The following PCDHGB3 variants were observed in gnomAD, a reference collection of about 807,000 sequenced individuals.
The protein encoded by PCDHGB3 is protocadherin gamma subfamily B, 3, also known as protocadherin gamma-B3.
PCDHGB3 carries 40 observed loss-of-function variants against 59.2 expected under a neutral mutation model. The observed-to-expected ratio is 0.68, with a 90% CI of 0.52 to 0.88. The LOEUF (loss-of-function observed/expected upper bound fraction) is 0.88, where lower values mean the gene tolerates loss of function less well. PCDHGB3 is among the 40% of genes least tolerant of loss of function. The probability of loss-of-function intolerance (pLI) is 0.00; values close to 1 mark genes in which losing one functional copy is unlikely to be tolerated. For missense variants in PCDHGB3, 1,309 were observed against 1,187.9 expected (o/e 1.10, Z -1.50); for synonymous variants, 581 against 503.6 (o/e 1.15, Z -2.06).
chr5:141,409,912 C>T (rs775668669), intron 1 of PCDHGB3: 5 of 1,613,180 alleles, frequency 3.1e-6, no homozygotes, highest in Non-Finnish European at 2.5e-6. Context: ...TGGGTCCTGA[C>T]GGCTCCGCGT....
rs376996144 is a variant in PCDHGB3, at chr5:141,491,534, G to C, written c.2416-3273G>C. 3.7e-6 allele frequency: 6 copies of C among 1,613,912 alleles called. No homozygotes were observed. The highest frequency in any genetic ancestry group is 1.3e-5 in the African/African-American group (1 of 74,928). ...CTCAAGTACATGGAGGTGACGCTGC[G>C]GCCCACAGACTCGCAGAGCCACTGC... On this transcript the variant is annotated intron_variant, in intron 1 of 3. Coordinates refer to ENST00000576222, the MANE Select transcript of PCDHGB3 (RefSeq NM_018924.5). This position sits in a 1 kb window ranked among gnomAD's most constrained non-coding sequence, Gnocchi z 6.9.
In PCDHGB3 at chr5:141,489,597, A is replaced by G; in HGVS notation, c.2416-5210A>G. 6.2e-7 allele frequency: 1 copy of G among 1,614,100 alleles called. No individual in the cohort carries two copies. The highest frequency in any genetic ancestry group is 1.3e-5 in the African/African-American group (1 of 75,040). ...AACACCCCCTGGAGCTAATCCGTGTAGAGGTAGAGATCCTGGATCTCAATG... is the reference window on the plus strand; with the variant it reads ...AACACCCCCTGGAGCTAATCCGTGTGGAGGTAGAGATCCTGGATCTCAATG... On this transcript the variant is annotated intron_variant, in intron 1 of 3. Transcript: ENST00000576222. The surrounding 1 kb of genome is among the most constrained non-coding windows in gnomAD (Gnocchi z 4.5).
chr5:141,464,898 C>T (rs969877255), intron 1 of PCDHGB3, among the ~76,000 whole-genome samples: 4 of 151,958 alleles, frequency 2.6e-5, no homozygotes, highest in African/African-American at 4.8e-5. Flanking sequence ...GCCACCATGT[C>T]CAGCTAATTT....
At chr5:141,498,318 G>T (rs927950671) in intron 2 of PCDHGB3, among the ~76,000 whole-genome samples, 2 of 151,792 alleles carry the variant, frequency 1.3e-5, no homozygotes, top group African/African-American at 4.8e-5. Flanking sequence ...TGCCTACACA[G>T]AAGGAAGAGC....
chr5:141,417,965 T>C lies in PCDHGB3; in HGVS notation c.2415+45156T>C. On this transcript the variant is annotated intron_variant, in intron 1 of 3. Coordinates refer to ENST00000576222, the MANE Select transcript of PCDHGB3 (RefSeq NM_018924.5). ...CACGCTGTGTGAGCCGATCCGCTAC[T>C]CGATTCCGGAGGAGCTGGCCAAGGG... 3 of 1,613,654 alleles carry C rather than the reference T, an allele frequency of 1.9e-6. No homozygotes were observed. In the South Asian group the frequency reaches 3.3e-5, roughly 18 times the overall value.
At chr5:141,427,912 A>G in intron 1 of PCDHGB3, 1 of 1,577,806 alleles carries the variant, frequency 6.3e-7, no homozygotes, top group East Asian at 2.2e-5. Flanking sequence ...CTCAGCGCCA[A>G]CATGAGCCGG....
rs372676262 is a variant in PCDHGB3 at position 141,404,832 on chromosome 5, G to A, written c.2415+32023G>A. On this transcript the variant is annotated intron_variant, in intron 1 of 3. Coordinates refer to ENST00000576222, the MANE Select transcript of PCDHGB3 (RefSeq NM_018924.5). ...GTGGGGCTGCACACAGGTGAAGTGCGCACAGCTCGGGCCCTGCTAGATAGA... is the reference window on the plus strand; with the variant it reads ...GTGGGGCTGCACACAGGTGAAGTGCACACAGCTCGGGCCCTGCTAGATAGA... 34 of 1,613,864 alleles carry A rather than the reference G, an allele frequency of 2.1e-5. No individual in the cohort carries two copies. Among genetic ancestry groups the A allele is most frequent in the Middle Eastern group, 1.6e-4 (1 of 6,062 alleles).
chr5:141,477,245 A>G lies in PCDHGB3; in HGVS notation c.2416-17562A>G. On this transcript the variant is annotated intron_variant, in intron 1 of 3. Transcript: ENST00000576222. The surrounding 1 kb of genome is among the most constrained non-coding windows in gnomAD (Gnocchi z 4.9). ...GACTGTCATCGCTTTGCTCAGTGTG[A>G]CTGACCTGGATGCTGGCGAGAACGG... 3.7e-6 allele frequency: 6 copies of G among 1,614,128 alleles called. No homozygotes were observed. The highest frequency in any genetic ancestry group is 5.1e-6 in the Non-Finnish European group (6 of 1,180,026).
intron 1 of PCDHGB3, among the ~76,000 whole-genome samples, chr5:141,484,072 G>A (rs2099591675): frequency 6.6e-6 from 1 of 152,258 alleles, no homozygotes; most frequent in Admixed American, 6.5e-5. Flanking sequence ...TGAAAAGCTT[G>A]CTCTTTTGAA....
intron 1 of PCDHGB3, chr5:141,404,337 C>CG (rs1376523964): frequency 1.9e-6 from 3 of 1,613,784 alleles, no homozygotes; most frequent in Non-Finnish European, 2.5e-6. Context: ...GTCTACCTCC[C>CG]GGAAAACAAC....
chr5:141,389,871 G>C (rs199638280), intron 1 of PCDHGB3: 297 of 1,614,056 alleles, frequency 1.8e-4, no homozygotes, highest in Non-Finnish European at 2.3e-4. Context: ...CCTGGTCTTC[G>C]CCGACAGCTT....
chr5:141,480,887 A>T (rs2099527301), intron 1 of PCDHGB3, among the ~76,000 whole-genome samples: 1 of 152,146 alleles, frequency 6.6e-6, no homozygotes. Flanking sequence ...TCTACTAAAA[A>T]TGCAAACATT....
At position 141,371,249 on chromosome 5, in the gene PCDHGB3, C is replaced by A; in HGVS notation, c.855C>A (p.Gly285=). Residue 285 remains glycine, a synonymous_variant, in exon 1 of 4, where the codon GGC becomes GGA. Transcript: ENST00000576222. ...AEIIYAFINI[G]KEVRQLFKLD... is the part of the protein sequence containing the mutation. Reference sequence around the variant, plus strand: ...TCATCTATGCCTTCATCAATATTGGCAAGGAAGTGAGACAACTGTTCAAGC... The same window carrying A: ...TCATCTATGCCTTCATCAATATTGGAAAGGAAGTGAGACAACTGTTCAAGC... 1 of 1,613,988 alleles carries A rather than the reference C, an allele frequency of 6.2e-7. No individual in the cohort carries two copies. The highest frequency in any genetic ancestry group is 1.7e-5 in the Admixed American group (1 of 60,028).
At chr5:141,505,154 C>T (rs1443235547) in intron 2 of PCDHGB3, among the ~76,000 whole-genome samples, 2 of 152,028 alleles carry the variant, frequency 1.3e-5, no homozygotes, top group Non-Finnish European at 2.9e-5. Flanking sequence ...AGAGTAAGAC[C>T]CTGTCTAAAA....
chr5:141,417,566 C>G, intron 1 of PCDHGB3: 1 of 362,746 alleles, frequency 2.8e-6, no homozygotes. Context: ...AGAGAAAAGT[C>G]AAGTTGCAGT....
intron 1 of PCDHGB3, among the ~76,000 whole-genome samples, chr5:141,429,564 C>A (rs995466828): frequency 2.0e-5 from 3 of 152,092 alleles, no homozygotes; most frequent in African/African-American, 7.2e-5. Flanking sequence ...TGATAATATT[C>A]AGTTACATTT....
chr5:141,370,796 C>A lies in PCDHGB3; in HGVS notation c.402C>A (p.Ser134Arg), dbSNP rs1460787163. ...QDINDNPPTF[S>R]QNITELEISE... The stretch of plus-strand genomic sequence containing the variant: ...TTAACGACAACCCACCGACCTTTAG[C>A]CAAAATATCACTGAGCTGGAAATCA... Residue 134 changes from serine to arginine, a missense_variant, in exon 1 of 4, where the codon AGC becomes AGA. By Grantham distance (110) the Ser-to-Arg change is moderately radical. Coordinates refer to ENST00000576222, the MANE Select transcript of PCDHGB3 (RefSeq NM_018924.5). 1 of 1,614,006 alleles carries A rather than the reference C, an allele frequency of 6.2e-7. No individual in the cohort carries two copies. Among genetic ancestry groups the A allele is most frequent in the Non-Finnish European group, 8.5e-7 (1 of 1,179,904 alleles).
chr5:141,422,685 C>G lies in PCDHGB3; in HGVS notation c.2415+49876C>G, dbSNP rs754112462. The G allele has an allele frequency of 2.5e-6, 4 of 1,605,144 alleles. No individual in the cohort carries two copies. The South Asian group carries it at 4.5e-5, about 18-fold the overall frequency. On this transcript the variant is annotated intron_variant, in intron 1 of 3. Coordinates refer to ENST00000576222, the MANE Select transcript of PCDHGB3 (RefSeq NM_018924.5). ...TCGACCCGGACAGCAAACAGAATGCCCTGGTCACTTACTCTCTGACGGATG... is the reference window on the plus strand; with the variant it reads ...TCGACCCGGACAGCAAACAGAATGCGCTGGTCACTTACTCTCTGACGGATG...
chr5:141,482,041 T>C (rs1443886481), intron 1 of PCDHGB3, among the ~76,000 whole-genome samples: 2 of 150,190 alleles, frequency 1.3e-5, no homozygotes, highest in Non-Finnish European at 2.9e-5. Context: ...GCCAAGATCA[T>C]GCTGTTGCAT....
Sources: gnomAD v4.1 joint callset for allele counts (sites outside exome capture counted in the v4.1 genomes callset) on GRCh38, gnomAD v4.1.1 for gene constraint, Gnocchi (gnomAD v3.1) non-coding constraint, MANE v1.5 for transcripts, NCBI Gene and HGNC (gene_info 2026-07-23, HGNC 2026-07-21) for gene names.